Variants in HTR1F observed in about 807,000 individuals in gnomAD.
The protein encoded by HTR1F is 5-hydroxytryptamine receptor 1F.
A neutral mutation model predicts 24.0 loss-of-function variants in HTR1F; 17 were observed. That is an observed-to-expected ratio of 0.71 (90% CI 0.48 to 1.06). HTR1F has a LOEUF of 1.06. Among genes scored for constraint, HTR1F ranks in the 50% least tolerant of loss-of-function variants. The pLI is 0.00. For synonymous variants in HTR1F, 186 were observed against 156.8 expected (o/e 1.19, Z -1.39); for missense variants, 391 against 427.8 (o/e 0.91, Z 0.76).
At position 87,907,373 on chromosome 3, in the gene HTR1F, A is replaced by ATT. The variant is rs35373313; in HGVS notation, c.-42-83325_-42-83324dup. ...TGTTCTTAGCCCACTTTTTGAAGGG[A>ATT]TTTTTTTTTTTGCTGATTTTTTTTA... On this transcript the variant is annotated intron_variant, in intron 2 of 2. Transcript: ENST00000319595. 8.7e-3 allele frequency among the ~76,000 whole-genome samples: 1,280 copies of ATT among 146,354 alleles called. 10 individuals carry two copies. The highest frequency in any genetic ancestry group is 0.029 in the African/African-American group (1,182 of 40,656).
At chr3:87,872,650 G>A (rs1323400623) in intron 2 of HTR1F, among the ~76,000 whole-genome samples, 1 of 151,958 alleles carries the variant, frequency 6.6e-6, no homozygotes, top group African/African-American at 2.4e-5. Flanking sequence ...GATCATAAGA[G>A]ACTACTATGA....
intron 2 of HTR1F, among the ~76,000 whole-genome samples, chr3:87,872,480 C>A (rs1003662395): frequency 3.8e-4 from 57 of 151,958 alleles, no homozygotes; most frequent in African/African-American, 1.4e-3. Flanking sequence ...ATAAACAGAA[C>A]TAAGAGTTGG....
intron 2 of HTR1F, among the ~76,000 whole-genome samples, chr3:87,916,071 C>G (rs1042376283): frequency 4.6e-5 from 7 of 152,020 alleles, no homozygotes; most frequent in Admixed American, 4.6e-4. Context: ...TCAAACAAAA[C>G]AATTATCAGG....
intron 2 of HTR1F, among the ~76,000 whole-genome samples, chr3:87,979,387 C>G (rs1705492545): frequency 6.6e-6 from 1 of 152,124 alleles, no homozygotes; most frequent in Admixed American, 6.5e-5. Flanking sequence ...CCCTGGCAAG[C>G]CTGTCCTCTG....
intron 2 of HTR1F, among the ~76,000 whole-genome samples, chr3:87,923,966 T>A (rs973379809): frequency 1.3e-5 from 2 of 152,228 alleles, no homozygotes; most frequent in African/African-American, 4.8e-5. Context: ...TTTTATTTTA[T>A]GTCCTTGTCT....
chr3:87,861,519 A>G (rs1476822784), intron 2 of HTR1F, among the ~76,000 whole-genome samples: 1 of 152,140 alleles, frequency 6.6e-6, no homozygotes, highest in Non-Finnish European at 1.5e-5. Context: ...ATATTATACT[A>G]ACAATTATTA....
intron 1 of HTR1F, among the ~76,000 whole-genome samples, chr3:87,805,137 G>A (rs1287437414): frequency 6.6e-6 from 1 of 151,752 alleles, no homozygotes; most frequent in Non-Finnish European, 1.5e-5. Context: ...TTTGATTGTG[G>A]CAGCAAGCCT....
At chr3:87,878,505 G>A (rs752596442) in intron 2 of HTR1F, among the ~76,000 whole-genome samples, 1 of 152,168 alleles carries the variant, frequency 6.6e-6, no homozygotes, top group Non-Finnish European at 1.5e-5. Context: ...TTTGCTCATA[G>A]TTTTGTTTCA....
intron 2 of HTR1F, among the ~76,000 whole-genome samples, chr3:87,842,477 A>G (rs1704831087): frequency 6.6e-6 from 1 of 151,864 alleles, no homozygotes. Flanking sequence ...AATAGTTTTT[A>G]TAAAGAGACT....
chr3:87,976,999 C>T (rs1705409143), intron 2 of HTR1F, among the ~76,000 whole-genome samples: 1 of 152,138 alleles, frequency 6.6e-6, no homozygotes, highest in African/African-American at 2.4e-5. Flanking sequence ...CTCTAGCTTG[C>T]TAACATATTA....
intron 2 of HTR1F, among the ~76,000 whole-genome samples, chr3:87,931,286 A>G (rs996828094): frequency 5.3e-5 from 8 of 151,720 alleles, no homozygotes; most frequent in Non-Finnish European, 1.2e-4. Context: ...TCTATGAGTG[A>G]GAACATGCGG....
chr3:87,814,729 T>C (rs1704220398), intron 1 of HTR1F, among the ~76,000 whole-genome samples: 1 of 152,204 alleles, frequency 6.6e-6, no homozygotes, highest in South Asian at 2.1e-4. Flanking sequence ...TTAGGAATTA[T>C]TATTTTTCTT....
chr3:87,820,086 A>T (rs1704325972), intron 1 of HTR1F, among the ~76,000 whole-genome samples: 1 of 152,166 alleles, frequency 6.6e-6, no homozygotes, highest in Non-Finnish European at 1.5e-5. Context: ...AATAATGAAC[A>T]AGTCTAAATC....
chr3:87,978,469 T>G (rs542480569), intron 2 of HTR1F, among the ~76,000 whole-genome samples: 3 of 152,238 alleles, frequency 2.0e-5, no homozygotes, highest in African/African-American at 7.2e-5. Flanking sequence ...CTCAGTACAG[T>G]ACAGCTCTCA....
intron 1 of HTR1F, among the ~76,000 whole-genome samples, chr3:87,802,690 C>G (rs1402179491): frequency 6.6e-6 from 1 of 152,018 alleles, no homozygotes; most frequent in Non-Finnish European, 1.5e-5. Flanking sequence ...AAATTCCTGA[C>G]CAGTGTATTA....
At chr3:87,970,698 C>T (rs925961659) in intron 2 of HTR1F, among the ~76,000 whole-genome samples, 2 of 152,170 alleles carry the variant, frequency 1.3e-5, no homozygotes, top group South Asian at 2.1e-4. Context: ...TTTCAAGACA[C>T]GGATTCCTTC....
At chr3:87,902,149 A>C (rs1454136677) in intron 2 of HTR1F, among the ~76,000 whole-genome samples, 1 of 152,166 alleles carries the variant, frequency 6.6e-6, no homozygotes, top group Non-Finnish European at 1.5e-5. Context: ...AAAACCAGAC[A>C]TCTTAAATGA....
intron 1 of HTR1F, among the ~76,000 whole-genome samples, chr3:87,809,278 G>A (rs1035609035): frequency 6.6e-6 from 1 of 151,798 alleles, no homozygotes; most frequent in African/African-American, 2.4e-5. Context: ...TATATTTAGA[G>A]AGATAGTCCA....
intron 2 of HTR1F, among the ~76,000 whole-genome samples, chr3:87,884,676 C>CAA (rs150794442): frequency 7.9e-5 from 12 of 151,062 alleles, no homozygotes; most frequent in South Asian, 2.1e-4. Context: ...AAATGGAAAG[C>CAA]AAAAAAAAGC....
Sources: gnomAD v4.1 joint callset for allele counts (sites outside exome capture counted in the v4.1 genomes callset) on GRCh38, gnomAD v4.1.1 for gene constraint, MANE v1.5 for transcripts, NCBI Gene and HGNC (gene_info 2026-07-23, HGNC 2026-07-21) for gene names.